The following CACNA1D variants were observed in gnomAD, a reference collection of about 807,000 sequenced individuals.
CACNA1D encodes calcium voltage-gated channel subunit alpha1 D.
Under a neutral mutation model 257.1 loss-of-function variants are expected in CACNA1D, and 55 were observed. That is an observed-to-expected ratio of 0.21 (90% CI 0.17 to 0.27). The LOEUF (loss-of-function observed/expected upper bound fraction) is 0.27. CACNA1D is among the 10% of genes least tolerant of loss of function. The pLI is 1.00. For synonymous variants in CACNA1D, 980 were observed against 1,014.9 expected, an observed-to-expected ratio of 0.97 and a Z score of 0.65; for missense variants, 1,876 against 2,784.0, an observed-to-expected ratio of 0.67 and a Z score of 7.34.
chr3:53,732,850 C>G lies in CACNA1D; in HGVS notation c.2509C>G (p.Pro837Ala), dbSNP rs768629978. ...GGAAGAGGAAGAGGAGGAGGATGAA[C>G]CTGAGGTTCCTGCCGGACCCCGTCC... ...EEEEEEEEDE[P>A]EVPAGPRPRR... is the part of the protein sequence containing the mutation. The change falls in exon 19 of 48, where the codon CCT becomes GCT. Residue 837 changes from proline to alanine, a missense_variant. Physicochemically the swap from Pro to Ala is conservative, Grantham distance 27 (BLOSUM62 -1). Coordinates refer to ENST00000350061, the MANE Select transcript of CACNA1D (RefSeq NM_001128840.3). 4 of 1,613,756 alleles carry G rather than the reference C, an allele frequency of 2.5e-6. No individual in the cohort carries two copies. The South Asian group carries it at 4.4e-5, about 18-fold the overall frequency.
intron 26 of CACNA1D, 127 bp downstream of exon 26, chr3:53,747,575 T>C: frequency 1.1e-6 from 1 of 942,904 alleles, no homozygotes; most frequent in Non-Finnish European, 1.7e-6. Context: ...TTTTTAACCT[T>C]GGGCCACTTC....
intron 28 of CACNA1D, among the ~76,000 whole-genome samples, chr3:53,753,345 GAT>G (rs1441977224): frequency 2.6e-5 from 4 of 152,246 alleles, no homozygotes; most frequent in Non-Finnish European, 5.9e-5. Context: ...AGAGGAAATG[GAT>G]ATGTTTTCCC....
intron 3 of CACNA1D, among the ~76,000 whole-genome samples, chr3:53,566,449 C>G (rs572537656): frequency 2.6e-5 from 4 of 152,142 alleles, no homozygotes; most frequent in South Asian, 2.1e-4. Context: ...TCCTCCCTGA[C>G]CACCCTCTCC....
At chr3:53,574,891 G>T (rs541435204) in intron 3 of CACNA1D, among the ~76,000 whole-genome samples, 182 of 152,230 alleles carry the variant, frequency 1.2e-3, no homozygotes, top group Non-Finnish European at 2.1e-3. Context: ...CCCCTGCTCA[G>T]ACCAACGTGA....
intron 29 of CACNA1D, among the ~76,000 whole-genome samples, chr3:53,754,438 C>A (rs80084798): frequency 1.3e-5 from 2 of 152,166 alleles, no homozygotes; most frequent in African/African-American, 4.8e-5. Flanking sequence ...TTCTTCCCTG[C>A]GCCTCGACTT....
intron 9 of CACNA1D, among the ~76,000 whole-genome samples, chr3:53,715,455 A>G (rs2094808110): frequency 6.6e-6 from 1 of 152,064 alleles, no homozygotes; most frequent in Non-Finnish European, 1.5e-5. Context: ...GGCTCACACT[A>G]GATGCGTCTG....
At chr3:53,666,898 C>G (rs949163984) in intron 7 of CACNA1D, among the ~76,000 whole-genome samples, 3 of 152,102 alleles carry the variant, frequency 2.0e-5, no homozygotes, top group African/African-American at 7.2e-5. Context: ...TAAGGAGGCT[C>G]CTGGACTGCC....
intron 3 of CACNA1D, among the ~76,000 whole-genome samples, chr3:53,608,809 T>A (rs1421672533): frequency 6.6e-6 from 1 of 152,250 alleles, no homozygotes; most frequent in Non-Finnish European, 1.5e-5. Context: ...ACCACCTTGC[T>A]TTCTTAGGAT....
chr3:53,722,571 A>G (rs943036385), intron 12 of CACNA1D, 97 bp downstream of exon 12: 42 of 1,233,512 alleles, frequency 3.4e-5, no homozygotes, highest in Non-Finnish European at 4.8e-5. Context: ...ATGATGAAGT[A>G]TCGCAACATT....
intron 4 of CACNA1D, among the ~76,000 whole-genome samples, chr3:53,654,373 A>G (rs190814885): frequency 6.6e-6 from 1 of 152,358 alleles, no homozygotes; most frequent in East Asian, 1.9e-4. Context: ...TGTGGTGTCT[A>G]TAGCTTCTAT....
chr3:53,511,011 T>A (rs1174907238), intron 3 of CACNA1D, among the ~76,000 whole-genome samples: 1 of 151,992 alleles, frequency 6.6e-6, no homozygotes, highest in Non-Finnish European at 1.5e-5. Flanking sequence ...AAAAACTGAG[T>A]CTTATTTTGG....
chr3:53,631,346 T>C (rs973754873), intron 3 of CACNA1D, among the ~76,000 whole-genome samples: 1 of 152,208 alleles, frequency 6.6e-6, no homozygotes, highest in African/African-American at 2.4e-5. Context: ...ACCACTTTCT[T>C]TGCTCATCCA....
intron 4 of CACNA1D, among the ~76,000 whole-genome samples, chr3:53,657,998 T>C (rs1291412545): frequency 1.3e-5 from 2 of 152,268 alleles, no homozygotes; most frequent in African/African-American, 4.8e-5. Context: ...TTTCAAGCAT[T>C]CAGGCTCTAT....
chr3:53,601,477 GTCCTGGGATTTTATAAT>G (rs1215639304), intron 3 of CACNA1D, among the ~76,000 whole-genome samples: 3 of 152,150 alleles, frequency 2.0e-5, no homozygotes, highest in Non-Finnish European at 4.4e-5. Context: ...GATTCTAAAA[GTCCTGGGATTTTATAAT>G]TCCTGGGATT....
At chr3:53,502,570 A>T (rs1334355215) in intron 3 of CACNA1D, among the ~76,000 whole-genome samples, 1 of 151,502 alleles carries the variant, frequency 6.6e-6, no homozygotes, top group Non-Finnish European at 1.5e-5. Flanking sequence ...AAAAAAAAGC[A>T]CTAAAGAGTA....
At chr3:53,734,890 A>G (rs990194876) in intron 19 of CACNA1D, among the ~76,000 whole-genome samples, 11 of 152,210 alleles carry the variant, frequency 7.2e-5, no homozygotes, top group African/African-American at 2.2e-4. Flanking sequence ...CACCTGCAAG[A>G]CAAGCCTGGG....
intron 4 of CACNA1D, among the ~76,000 whole-genome samples, chr3:53,653,906 G>T (rs923711764): frequency 6.6e-6 from 1 of 152,068 alleles, no homozygotes; most frequent in Non-Finnish European, 1.5e-5. Flanking sequence ...TAATCAAATT[G>T]TTAAAAACCA....
intron 29 of CACNA1D, among the ~76,000 whole-genome samples, chr3:53,757,538 C>G (rs979598575): frequency 1.3e-5 from 2 of 152,218 alleles, no homozygotes; most frequent in African/African-American, 2.4e-5. Context: ...TACCTACTCC[C>G]TTTGTAAGCC....
At chr3:53,511,278 A>G (rs1202412525) in intron 3 of CACNA1D, among the ~76,000 whole-genome samples, 3 of 152,330 alleles carry the variant, frequency 2.0e-5, no homozygotes, top group South Asian at 2.1e-4. Flanking sequence ...AGCAAAGTCT[A>G]CTTGCCAGGG....
Sources: allele counts gnomAD v4.1 joint callset (sites outside exome capture counted in the v4.1 genomes callset), GRCh38; gene constraint gnomAD v4.1.1; transcripts MANE v1.5; gene names NCBI Gene and HGNC (gene_info 2026-07-23, HGNC 2026-07-21).